The following ARHGAP11A variants were observed in gnomAD, a reference collection of about 807,000 sequenced individuals.
ARHGAP11A encodes rho GTPase-activating protein 11A.
A neutral mutation model predicts 60.5 loss-of-function variants in ARHGAP11A; 36 were observed. The ratio of observed to expected loss-of-function variants is 0.59; its 90% CI spans 0.46 to 0.79. The LOEUF is 0.79. Among genes scored for constraint, ARHGAP11A ranks in the 30% least tolerant of loss-of-function variants. ARHGAP11A has a pLI of 0.00. For missense variants in ARHGAP11A, 1,071 were observed against 1,199.2 expected (o/e 0.89, Z 1.58); for synonymous variants, 362 against 415.5 (o/e 0.87, Z 1.57).
intron 3 of ARHGAP11A, among the ~76,000 whole-genome samples, chr15:32,623,829 G>GA (rs2053392801): frequency 6.6e-6 from 1 of 151,480 alleles, no homozygotes; most frequent in South Asian, 2.1e-4. Flanking sequence ...TATGTAAAAT[G>GA]AAAAAAATGT....
intron 6 of ARHGAP11A, among the ~76,000 whole-genome samples, chr15:32,628,345 C>T (rs1391480039): frequency 1.3e-5 from 2 of 152,190 alleles, no homozygotes; most frequent in African/African-American, 2.4e-5. Flanking sequence ...AATGTTTTTA[C>T]TTCCATCTCT....
At chr15:32,633,820 C>A in intron 9 of ARHGAP11A, 113 bp from the exon 10 acceptor site, 1 of 624,048 alleles carries the variant, frequency 1.6e-6, no homozygotes, top group Admixed American at 3.5e-5. Flanking sequence ...ATTATTAATC[C>A]ATCCAATTAT....
intron 7 of ARHGAP11A, 39 bp from the exon 8 acceptor site, chr15:32,629,556 C>T: frequency 1.3e-6 from 2 of 1,553,414 alleles, no homozygotes; most frequent in African/African-American, 1.4e-5. Flanking sequence ...GTCAACTCTG[C>T]AGTAGAAACA....
rs1327813014 is a variant in ARHGAP11A, at chr15:32,636,619, C to T, written c.1846C>T (p.Gln616Ter). 1 of 1,613,888 alleles carries T rather than the reference C, an allele frequency of 6.2e-7. No homozygotes were observed. Among genetic ancestry groups the T allele is most frequent in the Non-Finnish European group, 8.5e-7 (1 of 1,179,982 alleles). ...SGSNLHALMN[Q>*]RQSSVTNVGK... Reference sequence around the variant, plus strand: ...AAGTAATCTTCACGCATTGATGAATCAGAGGCAGTCATCAGTAACTAATGT... The same window carrying T: ...AAGTAATCTTCACGCATTGATGAATTAGAGGCAGTCATCAGTAACTAATGT... Residue 616 changes from glutamine (Q) to a stop codon, truncating the protein, a stop_gained, in exon 12 of 12, where the codon CAG (glutamine) becomes TAG (stop). Coordinates refer to ENST00000361627, the MANE Select transcript of ARHGAP11A (RefSeq NM_014783.6). LOFTEE classifies it low-confidence loss of function (END_TRUNC).
intron 8 of ARHGAP11A, 150 bp from the exon 9 acceptor site, chr15:32,632,829 A>G (rs1212157006): frequency 7.2e-6 from 5 of 689,894 alleles, no homozygotes; most frequent in Non-Finnish European, 1.1e-5. Context: ...GGGTTATTTG[A>G]CACTTGAAGT....
chr15:32,615,167 GCCTTCAGC>G (rs1377672532), upstream of ARHGAP11A: 8 of 152,122 alleles, frequency 5.3e-5, no homozygotes, highest in Non-Finnish European at 8.8e-5. Flanking sequence ...TCATAAGAGG[GCCTTCAGC>G]GACAGCCAAG....
At chr15:32,619,818 C>G (rs62000959) in intron 1 of ARHGAP11A, among the ~76,000 whole-genome samples, 40,874 of 151,508 alleles carry the variant, frequency 0.27, 5,946 homozygotes, top group Middle Eastern at 0.35. Context: ...TGACTAACCA[C>G]TAACCAAATT....
chr15:32,637,307 T>C lies in ARHGAP11A; in HGVS notation c.2534T>C (p.Ile845Thr). The C allele has an allele frequency of 1.9e-6, 3 of 1,614,216 alleles. No homozygotes were observed. Among genetic ancestry groups the C allele is most frequent in the Non-Finnish European group, 2.5e-6 (3 of 1,180,030 alleles). ...CCTGTTCGTCAGTCCGTCAGAAGAA[T>C]TAATTCTTTGTTGGAGTATAGCAGA... ...RTPVRQSVRR[I>T]NSLLEYSRQP... The change falls in exon 12 of 12, where the codon ATT (isoleucine) becomes ACT (threonine). Residue 845 changes from isoleucine to threonine, a missense_variant. Ile to Thr is a moderately conservative substitution (Grantham distance 89, BLOSUM62 -1). Around this residue, in one of 4 missense-constraint regions of ARHGAP11A, gnomAD observed 776 missense variants for 760.2 expected, o/e 1.02. Coordinates refer to ENST00000361627, the MANE Select transcript of ARHGAP11A (RefSeq NM_014783.6).
At chr15:32,616,939 G>A (rs902314990) in intron 1 of ARHGAP11A, among the ~76,000 whole-genome samples, 3 of 152,192 alleles carry the variant, frequency 2.0e-5, no homozygotes, top group African/African-American at 4.8e-5. Context: ...GCTTGGCCAT[G>A]TCATACTTTT....
chr15:32,617,568 T>G, intron 1 of ARHGAP11A, among the ~76,000 whole-genome samples: 1 of 146,938 alleles, frequency 6.8e-6, no homozygotes, highest in Non-Finnish European at 1.5e-5. Context: ...GCCTCCCGGG[T>G]TCACGCCATT....
At position 32,616,260 on chromosome 15, in the gene ARHGAP11A, G is replaced by A; in HGVS notation, c.49G>A (p.Ala17Thr). 6.2e-7 allele frequency: 1 copy of A among 1,614,160 alleles called. No individual in the cohort carries two copies. Residue 17 changes from alanine (A) to threonine (T), a missense_variant, in exon 1 of 12, where the codon GCC (alanine) becomes ACC (threonine). Ala to Thr is a moderately conservative substitution (Grantham distance 58). Around this residue, in one of 4 missense-constraint regions of ARHGAP11A, gnomAD observed 28 missense variants for 24.5 expected, o/e 1.14. Coordinates refer to ENST00000361627, the MANE Select transcript of ARHGAP11A (RefSeq NM_014783.6). ...VRLALLQHLR[A>T]FYGIKVKGVR... ...GTTGGCCCTGTTGCAGCATCTGCGG[G>A]CCTTCTATGGTATTAAGGTGAAGGG...
At chr15:32,631,487 AC>A (rs530908723) in intron 8 of ARHGAP11A, among the ~76,000 whole-genome samples, 1 of 152,122 alleles carries the variant, frequency 6.6e-6, no homozygotes, top group Admixed American at 6.5e-5. Flanking sequence ...TTTAGTAGAG[AC>A]GGGGTTTCAC....
chr15:32,633,576 A>G (rs1474628037), intron 9 of ARHGAP11A, among the ~76,000 whole-genome samples: 4 of 152,140 alleles, frequency 2.6e-5, no homozygotes, highest in African/African-American at 9.7e-5. Flanking sequence ...CAGGGATGTC[A>G]AGGCTACAGT....
chr15:32,632,908 T>C, intron 8 of ARHGAP11A, 71 bp from the exon 9 acceptor site: 3 of 1,308,864 alleles, frequency 2.3e-6, no homozygotes, highest in Non-Finnish European at 3.1e-6. Context: ...ATCTAATTGC[T>C]GCTATTACTA....
chr15:32,615,341 A>C (rs1249265230), upstream of ARHGAP11A: 1 of 151,974 alleles, frequency 6.6e-6, no homozygotes, highest in Non-Finnish European at 1.5e-5. Flanking sequence ...CCTGCTTTTC[A>C]TGTTTGCTGG....
chr15:32,621,183 CTTTTTTTTT>C lies in ARHGAP11A; in HGVS notation c.200+1020_200+1028del, dbSNP rs60915388. ...TACTATTTATAAATAACCTTTTATT[CTTTTTTTTT>C]TTTTTTTTTTTTTTGAGACAAGAGT... On this transcript the variant is annotated intron_variant, in intron 2 of 11. Transcript: ENST00000361627. Among the ~76,000 whole-genome samples the C allele has an allele frequency of 4.7e-5, 3 of 64,252 alleles. No individual in the cohort carries two copies. In the Admixed American group the frequency reaches 7.1e-4, roughly 15 times the overall value. The allele number at this position is 64,252 out of a possible 152,430, so 42.2% of individuals were successfully genotyped here. A position where few individuals can be genotyped will look rare whatever the true frequency, so the allele number is the denominator to read the frequency against.
chr15:32,639,161 A>G lies in ARHGAP11A; in HGVS notation c.*1316A>G, dbSNP rs1350320621. ...TTACAAATTACACATCTTTGAGGAA[A>G]GAGTATTATGAACAATAGAACATAT... On this transcript the variant is annotated 3_prime_UTR_variant, in exon 12 of 12. Transcript: ENST00000361627. 1 of 152,570 alleles carries G rather than the reference A, an allele frequency of 6.6e-6. No individual in the cohort carries two copies. The highest frequency in any genetic ancestry group is 1.9e-4 in the East Asian group (1 of 5,206). 9.5% of individuals were successfully genotyped at this position (152,570 alleles called of 1,614,324 possible).
At chr15:32,618,024 T>C (rs2053202669) in intron 1 of ARHGAP11A, among the ~76,000 whole-genome samples, 1 of 152,212 alleles carries the variant, frequency 6.6e-6, no homozygotes, top group Non-Finnish European at 1.5e-5. Flanking sequence ...ATGATAGTTG[T>C]CATATCATTG....
Position 32,636,480 on chromosome 15 carries a change from C to G in ARHGAP11A, c.1707C>G (p.Ser569=), listed in dbSNP as rs1199160852. Residue 569 remains serine, a synonymous_variant, in exon 12 of 12, where the codon TCC becomes TCG. Coordinates refer to ENST00000361627, the MANE Select transcript of ARHGAP11A (RefSeq NM_014783.6). ...SPATSCELTP[S]NLNNKHNSNI... ...CTACTTCATGTGAACTCACCCCTTCCAATTTAAACAATAAGCATAATAGCA... is the reference window on the plus strand; with the variant it reads ...CTACTTCATGTGAACTCACCCCTTCGAATTTAAACAATAAGCATAATAGCA... The G allele has an allele frequency of 3.7e-6, 6 of 1,613,846 alleles. No homozygotes were observed. The South Asian group carries it at 5.5e-5, about 15-fold the overall frequency.
Sources: gnomAD v4.1 joint callset for allele counts (sites outside exome capture counted in the v4.1 genomes callset) on GRCh38, gnomAD v4.1.1 for gene constraint, gnomAD v4.1.1 regional missense constraint, MANE v1.5 for transcripts, NCBI Gene and HGNC (gene_info 2026-07-23, HGNC 2026-07-21) for gene names.